ZNF79: variants seen among roughly 807,000 people sequenced by gnomAD.
ZNF79 encodes ZNFpT7.
In ZNF79, 13 loss-of-function variants were observed where a neutral mutation model predicts 14.9. That is an observed-to-expected ratio of 0.87 (90% CI 0.57 to 1.38). ZNF79 has a LOEUF of 1.38. Among genes scored for constraint, ZNF79 ranks in the 40% most tolerant of loss-of-function variants. The pLI is 0.00. For missense variants in ZNF79, 631 were observed against 630.6 expected, an observed-to-expected ratio of 1.00 and a Z score of -0.01; for synonymous variants, 223 against 235.1, an observed-to-expected ratio of 0.95 and a Z score of 0.47.
At chr9:127,434,101 G>A (rs572856037) in intron 2 of ZNF79, among the ~76,000 whole-genome samples, 16 of 152,020 alleles carry the variant, frequency 1.1e-4, no homozygotes, top group Non-Finnish European at 2.1e-4. Context: ...CAAACTGCCT[G>A]CCATTTCCTA....
intron 2 of ZNF79, among the ~76,000 whole-genome samples, chr9:127,432,988 G>C (rs1833886986): frequency 6.6e-6 from 1 of 152,058 alleles, no homozygotes; most frequent in Non-Finnish European, 1.5e-5. Flanking sequence ...CACCATGTTG[G>C]CCAGGGTGGT....
rs1323949922 is a variant in ZNF79, at chr9:127,428,169, C to T, written c.17-663C>T. Among the ~76,000 whole-genome samples the T allele has an allele frequency of 1.6e-4, 24 of 150,790 alleles. 1 individual carries two copies. The highest frequency in any genetic ancestry group is 4.0e-4 in the East Asian group (2 of 4,982). Reference sequence around the variant, plus strand: ...CTAATTTTTGTATTTTTAATAGAGACGGGGTCTCGCCATGTTGCCCAGGCT... The same window carrying T: ...CTAATTTTTGTATTTTTAATAGAGATGGGGTCTCGCCATGTTGCCCAGGCT... On this transcript the variant is annotated intron_variant, in intron 1 of 4. Coordinates refer to ENST00000342483, the MANE Select transcript of ZNF79 (RefSeq NM_007135.3).
rs1171054378 is a variant in ZNF79, at chr9:127,444,602, G to C, written c.902G>C (p.Gly301Ala). The change falls in exon 5 of 5, where the codon GGA (glycine) becomes GCA (alanine). Residue 301 changes from glycine to alanine, a missense_variant. Coordinates refer to ENST00000342483, the MANE Select transcript of ZNF79 (RefSeq NM_007135.3). ...ALVQHQRIHT[G>A]EKPYECSDCG... ...GTTCAGCATCAGAGAATTCATACCG[G>C]AGAGAAGCCCTACGAATGCAGCGAC... 1.9e-6 allele frequency: 3 copies of C among 1,614,170 alleles called. No individual in the cohort carries two copies. The highest frequency in any genetic ancestry group is 2.5e-6 in the Non-Finnish European group (3 of 1,180,042).
At chr9:127,441,702 T>A (rs1482138331) in intron 4 of ZNF79, among the ~76,000 whole-genome samples, 1 of 152,094 alleles carries the variant, frequency 6.6e-6, no homozygotes, top group Non-Finnish European at 1.5e-5. Flanking sequence ...TCCCAGCACT[T>A]TGGGAGGCCG....
In ZNF79 at chr9:127,424,439, C is replaced by T. The variant is rs1208889008; in HGVS notation, c.-349C>T. 3.6e-6 allele frequency: 1 copy of T among 276,712 alleles called. No homozygotes were observed. Among genetic ancestry groups the T allele is most frequent in the South Asian group, 4.7e-5 (1 of 21,130 alleles). The allele number at this position is 276,712 out of a possible 1,614,324, so 17.1% of individuals were successfully genotyped here. On this transcript the variant is annotated 5_prime_UTR_variant, in exon 1 of 5. Transcript: ENST00000342483. ...GACCTGGCGTTGGGCGGTACTTGGA[C>T]AGCGGTTCTTGAGCTCTCGCGGTTG...
intron 1 of ZNF79, among the ~76,000 whole-genome samples, chr9:127,426,540 A>G (rs536153368): frequency 6.6e-5 from 10 of 152,166 alleles, no homozygotes; most frequent in African/African-American, 2.4e-4. Flanking sequence ...ACACCCAGCT[A>G]ATTTTTTGTA....
At chr9:127,439,977 C>G (rs1053298716) in intron 4 of ZNF79, among the ~76,000 whole-genome samples, 5 of 152,172 alleles carry the variant, frequency 3.3e-5, no homozygotes, top group Admixed American at 2.0e-4. Context: ...ATTCTCCTGC[C>G]CCAGCCTCCC....
At position 127,441,089 on chromosome 9, in the gene ZNF79, A is replaced by AT. The variant is rs927333359; in HGVS notation, c.329-2931dup. ...TCTTGTCACTCTTCCTCTCCTTTTG[A>AT]TTTTTTTTTACTCAAATAGATGGTC... On this transcript the variant is annotated intron_variant, in intron 4 of 4. Transcript: ENST00000342483. Among the ~76,000 whole-genome samples the AT allele has an allele frequency of 2.4e-4, 36 of 150,766 alleles. 1 individual carries two copies. In the South Asian group the frequency reaches 2.5e-3, roughly 11 times the overall value.
Position 127,444,584 on chromosome 9 carries a change from A to G in ZNF79, c.884A>G (p.His295Arg). The G allele has an allele frequency of 6.2e-7, 1 of 1,614,208 alleles. No individual in the cohort carries two copies. The highest frequency in any genetic ancestry group is 8.5e-7 in the Non-Finnish European group (1 of 1,180,038). The change falls in exon 5 of 5, where the codon CAT (histidine) becomes CGT (arginine). Residue 295 changes from histidine to arginine, a missense_variant. Physicochemically the swap from His to Arg is conservative, Grantham distance 29 (BLOSUM62 0). Coordinates refer to ENST00000342483, the MANE Select transcript of ZNF79 (RefSeq NM_007135.3). ...AGTGACTGCTCAGCTCTTGTTCAGCATCAGAGAATTCATACCGGAGAGAAG... is the reference window on the plus strand; with the variant it reads ...AGTGACTGCTCAGCTCTTGTTCAGCGTCAGAGAATTCATACCGGAGAGAAG... ...AFSDCSALVQHQRIHTGEKPY... is the reference protein window; with the variant it reads ...AFSDCSALVQRQRIHTGEKPY...
chr9:127,435,088 A>T lies in ZNF79; in HGVS notation c.106-2A>T. 6.2e-7 allele frequency: 1 copy of T among 1,604,038 alleles called. No individual in the cohort carries two copies. Among genetic ancestry groups the T allele is most frequent in the East Asian group, 2.2e-5 (1 of 44,518 alleles). On this transcript the variant is annotated splice_acceptor_variant, in intron 2 of 4. Coordinates refer to ENST00000342483, the MANE Select transcript of ZNF79 (RefSeq NM_007135.3). LOFTEE classifies it high-confidence loss of function. ...CAAGATGAAATGTGCTTGTTTTTTC[A>T]GGGATCCACATTCTTCAGCAGTGTG...
chr9:127,444,157 C>A lies in ZNF79; in HGVS notation c.457C>A (p.Leu153Met). The change falls in exon 5 of 5, where the codon CTG (leucine) becomes ATG (methionine). Residue 153 changes from leucine to methionine, a missense_variant. Physicochemically the swap from Leu to Met is conservative, Grantham distance 15. Coordinates refer to ENST00000342483, the MANE Select transcript of ZNF79 (RefSeq NM_007135.3). ...CAGTGACCTTGAGAAGAGCTTCAAT[C>A]TGAGACCAGTCCTCTCTCCGCAACA... ...GTSDLEKSFN[L>M]RPVLSPQQRV... is the part of the protein sequence containing the mutation. 2 of 1,613,902 alleles carry A rather than the reference C, an allele frequency of 1.2e-6. No homozygotes were observed. Among genetic ancestry groups the A allele is most frequent in the Non-Finnish European group, 1.7e-6 (2 of 1,180,030 alleles).
intron 3 of ZNF79, 96 bp from the exon 4 acceptor site, chr9:127,435,812 G>A (rs1242891655): frequency 3.2e-6 from 3 of 936,460 alleles, no homozygotes; most frequent in Non-Finnish European, 5.2e-6. Context: ...TGAATGAAAT[G>A]AACAGTCCAA....
intron 4 of ZNF79, among the ~76,000 whole-genome samples, chr9:127,438,927 C>T (rs10987654): frequency 0.41 from 62,291 of 151,888 alleles, 13,922 homozygotes; most frequent in Non-Finnish European, 0.5. Context: ...GCCTGGCCAA[C>T]ATAGGGAAAC....
chr9:127,431,458 A>G (rs1053838207), intron 2 of ZNF79, among the ~76,000 whole-genome samples: 1 of 151,980 alleles, frequency 6.6e-6, no homozygotes. Flanking sequence ...CTTTTTGGCT[A>G]GGCTGTTCTT....
chr9:127,444,189 GC>G lies in ZNF79; in HGVS notation c.492del (p.Val165TrpfsTer21). On this transcript the variant is annotated frameshift_variant, in exon 5 of 5. Transcript: ENST00000342483. LOFTEE classifies it low-confidence loss of function (END_TRUNC). ...RPVLSPQQRV[P>X]VEARPRKCET... ...CAGTCCTCTCTCCGCAACAGAGAGT[GC>G]CCGTGGAAGCGAGACCTCGCAAATG... 6.2e-7 allele frequency: 1 copy of G among 1,614,060 alleles called. No homozygotes were observed. The highest frequency in any genetic ancestry group is 8.5e-7 in the Non-Finnish European group (1 of 1,180,032).
At chr9:127,427,674 T>C (rs984050121) in intron 1 of ZNF79, among the ~76,000 whole-genome samples, 7 of 151,810 alleles carry the variant, frequency 4.6e-5, no homozygotes, top group African/African-American at 1.7e-4. Flanking sequence ...CCCAGGTAGC[T>C]GGGCCTGCAG....
Position 127,424,629 on chromosome 9 carries a change from C to G in ZNF79, c.-159C>G, listed in dbSNP as rs1041579481. 62 of 1,144,542 alleles carry G rather than the reference C, an allele frequency of 5.4e-5. 1 individual carries two copies. Among genetic ancestry groups the G allele is most frequent in the Middle Eastern group, 5.7e-4 (2 of 3,510 alleles). 70.9% of individuals were successfully genotyped at this position (1,144,542 alleles called of 1,614,324 possible). Reference sequence around the variant, plus strand: ...CCCGGACAGCTCCCGCGACCCAGCACCGCAGGATCAGACCGTGCCTCTGCG... The same window carrying G: ...CCCGGACAGCTCCCGCGACCCAGCAGCGCAGGATCAGACCGTGCCTCTGCG... On this transcript the variant is annotated 5_prime_UTR_variant, in exon 1 of 5. Transcript: ENST00000342483.
In ZNF79 at chr9:127,428,878, A is replaced by C. The variant is rs1833808602; in HGVS notation, c.63A>C (p.Gly21=). Residue 21 remains glycine (G), a synonymous_variant, in exon 2 of 5, where the codon GGA becomes GGC. Transcript: ENST00000342483. ...GPALPQEENT[G]EEGMAAGLLT... ...CCCTTCCCCAAGAGGAAAACACAGGAGAGGAAGGAATGGCTGCTGGTCTCC... is the reference window on the plus strand; with the variant it reads ...CCCTTCCCCAAGAGGAAAACACAGGCGAGGAAGGAATGGCTGCTGGTCTCC... 6.2e-7 allele frequency: 1 copy of C among 1,605,870 alleles called. No individual in the cohort carries two copies. The highest frequency in any genetic ancestry group is 8.5e-7 in the Non-Finnish European group (1 of 1,175,640).
chr9:127,444,057 A>C lies in ZNF79; in HGVS notation c.357A>C (p.Pro119=). The C allele has an allele frequency of 1.2e-6, 2 of 1,601,474 alleles. No individual in the cohort carries two copies. The highest frequency in any genetic ancestry group is 2.2e-5 in the South Asian group (2 of 90,414). ...GGAAGATTATATCTGGATCACCACC[A>C]GAGCAAGCCCTTTCTGAAGCTTCAT... ...PGWKIISGSP[P]EQALSEASFQ... Residue 119 remains proline (P), a synonymous_variant, in exon 5 of 5, where the codon CCA becomes CCC. Transcript: ENST00000342483.
Sources: allele counts gnomAD v4.1 joint callset (sites outside exome capture counted in the v4.1 genomes callset), GRCh38; gene constraint gnomAD v4.1.1; transcripts MANE v1.5; gene names NCBI Gene and HGNC (gene_info 2026-07-23, HGNC 2026-07-21).